The following EML1 variants were observed in gnomAD, a reference collection of about 807,000 sequenced individuals.
EML1 encodes the protein EMAP like 1.
Under a neutral mutation model 110.4 loss-of-function variants are expected in EML1, and 27 were observed. The observed-to-expected ratio is 0.24, with a 90% CI of 0.18 to 0.34. The LOEUF is 0.34. Ranked by LOEUF, EML1 falls within the 10% of genes least tolerant of loss-of-function variation. The probability of loss-of-function intolerance (pLI) is 1.00; values close to 1 mark genes in which losing one functional copy is unlikely to be tolerated. For synonymous variants in EML1, 344 were observed against 385.8 expected (o/e 0.89, Z 1.27); for missense variants, 741 against 1,030.9 (o/e 0.72, Z 3.85).
At chr14:99,764,228 C>T (rs1448110827) in intron 1 of EML1, among the ~76,000 whole-genome samples, 1 of 152,226 alleles carries the variant, frequency 6.6e-6, no homozygotes, top group African/African-American at 2.4e-5. Flanking sequence ...CTGCCTCCTC[C>T]CCCAGCTCAC....
At position 99,781,730 on chromosome 14, in the gene EML1, C is replaced by T. The variant is rs1182500328; in HGVS notation, c.-27+7717C>T. Among the ~76,000 whole-genome samples, 1 of 152,214 alleles carries T rather than the reference C, an allele frequency of 6.6e-6. No homozygotes were observed. The highest frequency in any genetic ancestry group is 2.4e-5 in the African/African-American group (1 of 41,446). On this transcript the variant is annotated intron_variant, in intron 1 of 22. Coordinates refer to the EML1 transcript ENST00000327921. This position sits in a 1 kb window ranked among gnomAD's most constrained non-coding sequence, Gnocchi z 4.2. ...AGGTTCACTGCAATGGGGCCAGATGCCTTCAGTCTGAGCTCCCTGTCCCCT... is the reference window on the plus strand; with the variant it reads ...AGGTTCACTGCAATGGGGCCAGATGTCTTCAGTCTGAGCTCCCTGTCCCCT...
chr14:99,809,240 CA>C (rs2058032875), intron 1 of EML1, among the ~76,000 whole-genome samples: 1 of 152,208 alleles, frequency 6.6e-6, no homozygotes, highest in Non-Finnish European at 1.5e-5. Context: ...ATTTTCTGAA[CA>C]TTTTCAATTC....
chr14:99,872,242 C>T (rs2059217927), intron 3 of EML1, among the ~76,000 whole-genome samples: 1 of 152,260 alleles, frequency 6.6e-6, no homozygotes, highest in East Asian at 1.9e-4. Flanking sequence ...ATTTCAGCCA[C>T]ATATGAAAGG....
chr14:99,762,073 A>G (rs1217403069), intron 1 of EML1, among the ~76,000 whole-genome samples: 1 of 152,192 alleles, frequency 6.6e-6, no homozygotes, highest in Non-Finnish European at 1.5e-5. Flanking sequence ...TGATGGGCTC[A>G]GTGGCTGAAC....
intron 3 of EML1, among the ~76,000 whole-genome samples, chr14:99,866,072 A>G (rs1348414120): frequency 6.6e-6 from 1 of 152,240 alleles, no homozygotes; most frequent in Non-Finnish European, 1.5e-5. Context: ...TGGAGTCTAA[A>G]TATTGATGTT....
At chr14:99,797,538 C>A (rs1167517492) in intron 1 of EML1, among the ~76,000 whole-genome samples, 2 of 152,098 alleles carry the variant, frequency 1.3e-5, no homozygotes, top group Non-Finnish European at 2.9e-5. Context: ...CTTTTTGAAA[C>A]CTAAATATTA....
chr14:99,864,805 CAAAAAAAAAA>C (rs67480916), intron 2 of EML1, among the ~76,000 whole-genome samples: 4 of 99,050 alleles, frequency 4.0e-5, no homozygotes, highest in Non-Finnish European at 8.4e-5. Context: ...AACTCTGTCT[CAAAAAAAAAA>C]AAAAAAAAAG....
chr14:99,828,637 C>T (rs1229188870), intron 1 of EML1, among the ~76,000 whole-genome samples: 5 of 152,082 alleles, frequency 3.3e-5, no homozygotes, highest in Non-Finnish European at 5.9e-5. Context: ...ATAGGGGTTA[C>T]GGGTGCTAAT....
chr14:99,847,411 C>T (rs183735133), intron 1 of EML1, among the ~76,000 whole-genome samples: 34 of 152,186 alleles, frequency 2.2e-4, no homozygotes, highest in African/African-American at 7.5e-4. Context: ...AGTGCAGTGG[C>T]GTGATCATAG....
chr14:99,877,120 C>G (rs185972687), intron 3 of EML1, among the ~76,000 whole-genome samples: 310 of 152,188 alleles, frequency 2.0e-3, no homozygotes, highest in Non-Finnish European at 1.5e-3. Context: ...AGTCCGAGAC[C>G]AGGGGGGCCA....
At chr14:99,745,466 C>T (rs1566846031) in intron 1 of EML1, among the ~76,000 whole-genome samples, 1 of 152,186 alleles carries the variant, frequency 6.6e-6, no homozygotes, top group Non-Finnish European at 1.5e-5. Context: ...TAACAGAGGG[C>T]TGTGGCCACA....
In EML1 at chr14:99,780,672, G is replaced by C. The variant is rs115554684; in HGVS notation, c.-27+6659G>C. 4.9e-3 allele frequency among the ~76,000 whole-genome samples: 740 copies of C among 152,260 alleles called. 6 individuals carry two copies. Among genetic ancestry groups the C allele is most frequent in the African/African-American group, 0.017 (703 of 41,530 alleles). On this transcript the variant is annotated intron_variant, in intron 1 of 22. Coordinates refer to the EML1 transcript ENST00000327921. ...TGGGTCAGGGATGGACTGCACGTAT[G>C]ATGATGGTCCCATAAGGTTATGACA... is the stretch of plus-strand genomic sequence containing the variant.
At chr14:99,803,589 C>G (rs1427998763) in intron 1 of EML1, among the ~76,000 whole-genome samples, 3 of 152,200 alleles carry the variant, frequency 2.0e-5, no homozygotes, top group African/African-American at 7.2e-5. Flanking sequence ...ATGCCTCTCG[C>G]TAGACACCGC....
chr14:99,800,933 G>C (rs769199942), intron 1 of EML1, among the ~76,000 whole-genome samples: 1 of 152,236 alleles, frequency 6.6e-6, no homozygotes, highest in African/African-American at 2.4e-5. Context: ...GGGCCTGCCC[G>C]AGGTAGGGAG....
intron 4 of EML1, 68 bp downstream of exon 4, chr14:99,878,687 G>A (rs2059335710): frequency 2.6e-6 from 4 of 1,535,016 alleles, no homozygotes; most frequent in Middle Eastern, 1.8e-4. Flanking sequence ...CCAGAGAGGA[G>A]TCAGAAGATC....
chr14:99,786,549 G>T (rs1190826452), intron 1 of EML1, among the ~76,000 whole-genome samples: 5 of 152,214 alleles, frequency 3.3e-5, no homozygotes, highest in Non-Finnish European at 2.9e-5. Context: ...TGACTGCAGA[G>T]GCCCTGTTGA....
rs772260740 is a variant in EML1, at chr14:99,939,991, C to T, written c.2327C>T (p.Pro776Leu). The T allele has an allele frequency of 6.3e-7, 1 of 1,584,206 alleles. No homozygotes were observed. The highest frequency in any genetic ancestry group is 1.1e-5 in the South Asian group (1 of 86,996). ...FSYPCSQFRA[P>L]SHIYGGHSSH... is the part of the protein sequence containing the mutation. ...CCCCCGTATCATTCCCTCCAGGCTC[C>T]AAGCCACATCTACGGCGGGCACAGC... Residue 776 changes from proline (P) to leucine (L), a missense_variant, in exon 22 of 22, where the codon CCA becomes CTA. Physicochemically the swap from Pro to Leu is moderately conservative, Grantham distance 98 (BLOSUM62 -3). Coordinates refer to ENST00000262233, the MANE Select transcript of EML1 (RefSeq NM_004434.3). The surrounding 1 kb of genome is among the most constrained non-coding windows in gnomAD (Gnocchi z 4.2).
chr14:99,923,843 A>G lies in EML1; in HGVS notation c.1909+2966A>G, dbSNP rs559008186. ...TTTTTTGAAATTTTTTTGTAGACAC[A>G]GGGTCTTACTTTGTGGCCCAGGCCG... On this transcript the variant is annotated intron_variant, in intron 17 of 21. Transcript: ENST00000262233. 1.2e-4 allele frequency among the ~76,000 whole-genome samples: 19 copies of G among 152,288 alleles called. No individual in the cohort carries two copies. The East Asian group carries it at 3.7e-3, about 29-fold the overall frequency.
upstream of EML1, among the ~76,000 whole-genome samples, chr14:99,791,604 A>G (rs2057673330): frequency 6.6e-6 from 1 of 152,042 alleles, no homozygotes; most frequent in Admixed American, 6.5e-5. Context: ...CTGTCTTTCC[A>G]GCTGTATGGT....
Sources: allele counts gnomAD v4.1 joint callset (sites outside exome capture counted in the v4.1 genomes callset), GRCh38; gene constraint gnomAD v4.1.1; non-coding constraint Gnocchi (gnomAD v3.1); transcripts MANE v1.5; gene names NCBI Gene and HGNC (gene_info 2026-07-23, HGNC 2026-07-21).